EPB41L1: variants seen among roughly 807,000 people sequenced by gnomAD.
The protein encoded by EPB41L1 is erythrocyte membrane protein band 4.1 like 1.
In EPB41L1, 29 loss-of-function variants were observed where a neutral mutation model predicts 97.8. That is an observed-to-expected ratio of 0.30 (90% CI 0.22 to 0.40). EPB41L1 has a LOEUF of 0.40. EPB41L1 is among the 10% of genes least tolerant of loss of function. The pLI, the probability that EPB41L1 is intolerant of heterozygous loss-of-function variation, is 1.00. For missense variants in EPB41L1, 812 were observed against 1,162.3 expected (o/e 0.70, Z 4.38); for synonymous variants, 383 against 459.2 (o/e 0.83, Z 2.12).
intron 2 of EPB41L1, among the ~76,000 whole-genome samples, chr20:36,144,197 C>A (rs919336547): frequency 6.6e-6 from 1 of 152,108 alleles, no homozygotes; most frequent in Admixed American, 6.6e-5. Context: ...CCTCATATTA[C>A]AGGTAAGGAA....
chr20:36,100,636 C>G (rs2057982628), intron 1 of EPB41L1, among the ~76,000 whole-genome samples: 1 of 152,234 alleles, frequency 6.6e-6, no homozygotes, highest in South Asian at 2.1e-4. Context: ...CCTACGCAGT[C>G]CTCAGCCAGC....
rs1569340412 is a variant in EPB41L1 at position 36,212,311 on chromosome 20, A to G, written c.2119A>G (p.Ile707Val). 1.2e-6 allele frequency: 2 copies of G among 1,614,210 alleles called. No individual in the cohort carries two copies. Among genetic ancestry groups the G allele is most frequent in the Non-Finnish European group, 8.5e-7 (1 of 1,180,030 alleles). ...TETMTVSSLA[I>V]RKKIEPEAVL... ...AACCATGACTGTCAGCAGTCTGGCC[A>G]TTAGAAAGAAGATTGAGCCGGAGGC... is the stretch of plus-strand genomic sequence containing the variant. The change falls in exon 16 of 22, where the codon ATT (isoleucine) becomes GTT (valine). Residue 707 changes from isoleucine (I) to valine (V), a missense_variant. Physicochemically the swap from Ile to Val is conservative, Grantham distance 29. Coordinates refer to ENST00000338074, the MANE Select transcript of EPB41L1 (RefSeq NM_012156.2). The surrounding 1 kb of genome is among the most constrained non-coding windows in gnomAD (Gnocchi z 4.8).
intron 2 of EPB41L1, among the ~76,000 whole-genome samples, chr20:36,139,016 T>A (rs1387020660): frequency 6.6e-6 from 1 of 152,240 alleles, no homozygotes; most frequent in African/African-American, 2.4e-5. Context: ...ATTTGCTTTC[T>A]AATCATGGTC....
intron 1 of EPB41L1, among the ~76,000 whole-genome samples, chr20:36,099,041 C>T (rs2057925172): frequency 6.6e-6 from 1 of 152,118 alleles, no homozygotes; most frequent in African/African-American, 2.4e-5. Flanking sequence ...TGGTGGCGGG[C>T]ACCTGTAATC....
At chr20:36,175,491 A>G in intron 2 of EPB41L1, 60 bp from the exon 3 acceptor site, 1 of 1,601,530 alleles carries the variant, frequency 6.2e-7, no homozygotes, top group Non-Finnish European at 8.6e-7. Context: ...CTTCTTACTT[A>G]TATGAAAGGC....
intron 1 of EPB41L1, among the ~76,000 whole-genome samples, chr20:36,094,350 G>A (rs1356517148): frequency 3.3e-5 from 5 of 152,342 alleles, no homozygotes; most frequent in African/African-American, 1.2e-4. Flanking sequence ...AAAACTGCGT[G>A]AAAAGGAAGT....
intron 14 of EPB41L1, chr20:36,205,884 C>T (rs2062770987): frequency 2.3e-6 from 3 of 1,289,692 alleles, no homozygotes; most frequent in South Asian, 2.5e-5. Context: ...AAAGAGAGTA[C>T]ACTAGGCCAG....
chr20:36,123,326 C>G (rs2058826625), intron 2 of EPB41L1, among the ~76,000 whole-genome samples: 1 of 152,192 alleles, frequency 6.6e-6, no homozygotes, highest in Non-Finnish European at 1.5e-5. Context: ...CAGGCCCCCT[C>G]TGTGACACTG....
upstream of EPB41L1, chr20:36,150,990 A>T (rs965742535): frequency 6.6e-6 from 1 of 152,194 alleles, no homozygotes; most frequent in African/African-American, 2.4e-5. Flanking sequence ...TCAGGAGACC[A>T]CTGACTACTT....
Position 36,154,807 on chromosome 20 carries a change from G to T in EPB41L1, c.-104G>T. On this transcript the variant is annotated 5_prime_UTR_variant, in exon 1 of 22. Transcript: ENST00000338074. This position sits in a 1 kb window ranked among gnomAD's most constrained non-coding sequence, Gnocchi z 5.5. ...GCTCCGCAGAGCCCGCCGCGACCCC[G>T]CGCCGCCCCGCCCCGCGGCCTGCCT... The T allele has an allele frequency of 1.0e-6, 1 of 990,688 alleles. No individual in the cohort carries two copies. The highest frequency in any genetic ancestry group is 1.2e-6 in the Non-Finnish European group (1 of 833,204). 61.4% of individuals were successfully genotyped at this position (990,688 alleles called of 1,614,324 possible).
intron 2 of EPB41L1, among the ~76,000 whole-genome samples, chr20:36,144,638 G>A (rs915821286): frequency 2.0e-4 from 30 of 152,198 alleles, no homozygotes; most frequent in Non-Finnish European, 3.7e-4. Flanking sequence ...GGTCCTGGAG[G>A]ACAGGAAATA....
intron 1 of EPB41L1, among the ~76,000 whole-genome samples, chr20:36,161,124 G>A (rs2060508238): frequency 6.6e-6 from 1 of 152,198 alleles, no homozygotes; most frequent in East Asian, 1.9e-4. Flanking sequence ...GGTCTTGGAG[G>A]AGGCCATCTC....
At chr20:36,201,326 C>T (rs1296461692) in intron 14 of EPB41L1, among the ~76,000 whole-genome samples, 1 of 152,166 alleles carries the variant, frequency 6.6e-6, no homozygotes, top group Admixed American at 6.5e-5. Context: ...GAGGCAGGCC[C>T]TGACTTCTAT....
At chr20:36,222,038 G>A in intron 20 of EPB41L1, 94 bp downstream of exon 20, 1 of 1,332,194 alleles carries the variant, frequency 7.5e-7, no homozygotes, top group Non-Finnish European at 1.1e-6. Context: ...CTCATGGGCA[G>A]AGAAGGTGTC....
intron 2 of EPB41L1, among the ~76,000 whole-genome samples, chr20:36,143,820 G>A (rs1009022242): frequency 1.2e-4 from 18 of 151,874 alleles, no homozygotes; most frequent in Admixed American, 1.0e-3. Context: ...AATCAGGACC[G>A]ATAAAAGGTT....
Position 36,219,854 on chromosome 20 carries a change from AG to A in EPB41L1, c.2439+11del. The stretch of plus-strand genomic sequence containing the variant: ...CACCCATGTCACCAAAGTGAGTAGC[AG>A]CAGGGCGCCCCATGCCCCCAGCCGA... On this transcript the variant is annotated intron_variant, in intron 19 of 21. Coordinates refer to ENST00000338074, the MANE Select transcript of EPB41L1 (RefSeq NM_012156.2). 6.2e-7 allele frequency: 1 copy of A among 1,613,770 alleles called. No homozygotes were observed.
rs181276758 is a variant in EPB41L1 at position 36,118,099 on chromosome 20, A to G, written c.-10+5619A>G. Among the ~76,000 whole-genome samples, 4 of 152,314 alleles carry G rather than the reference A, an allele frequency of 2.6e-5. No individual in the cohort carries two copies. The East Asian group carries it at 5.8e-4, about 22-fold the overall frequency. On this transcript the variant is annotated intron_variant, in intron 2 of 19. Transcript: ENST00000202028. ...GGAAACTGAGGCAAGGGTCAGCACA[A>G]TCGCTGCATTCAGGACAGCTTAGAG...
intron 1 of EPB41L1, among the ~76,000 whole-genome samples, chr20:36,168,719 A>C (rs2060845103): frequency 6.6e-6 from 1 of 151,658 alleles, no homozygotes; most frequent in South Asian, 2.1e-4. Flanking sequence ...ACGCCCAGCT[A>C]ATTTTTGTGT....
rs1448694400 is a variant in EPB41L1, at chr20:36,195,777, G to A, written c.1485+413G>A. ...ATCTCCTGCCCGACAGCACTGTTTG[G>A]TCTCGCCTCCATCTCGTCTGTGTCC... On this transcript the variant is annotated intron_variant, in intron 13 of 21. Transcript: ENST00000338074. The surrounding 1 kb of genome is among the most constrained non-coding windows in gnomAD (Gnocchi z 4.6). Among the ~76,000 whole-genome samples the A allele has an allele frequency of 6.6e-6, 1 of 152,108 alleles. No homozygotes were observed. Among genetic ancestry groups the A allele is most frequent in the Admixed American group, 6.6e-5 (1 of 15,264 alleles).
Sources: gnomAD v4.1 joint callset for allele counts (sites outside exome capture counted in the v4.1 genomes callset) on GRCh38, gnomAD v4.1.1 for gene constraint, Gnocchi (gnomAD v3.1) non-coding constraint, MANE v1.5 for transcripts, NCBI Gene and HGNC (gene_info 2026-07-23, HGNC 2026-07-21) for gene names.